Variants in ADD3 observed in about 807,000 individuals in gnomAD.
ADD3 encodes the protein adducin 3, also known as gamma-adducin.
A neutral mutation model predicts 80.2 loss-of-function variants in ADD3; 25 were observed. The observed-to-expected ratio is 0.31, with a 90% CI of 0.23 to 0.44. The LOEUF (loss-of-function observed/expected upper bound fraction) is 0.44, where lower values mean the gene tolerates loss of function less well. ADD3 is among the 20% of genes least tolerant of loss of function. The pLI is 1.00. For synonymous variants in ADD3, 284 were observed against 289.6 expected (o/e 0.98, Z 0.20); for missense variants, 829 against 847.5 (o/e 0.98, Z 0.27).
At chr10:110,059,194 G>A (rs926011821) in intron 1 of ADD3, among the ~76,000 whole-genome samples, 2 of 28,864 alleles carry the variant, frequency 6.9e-5, no homozygotes, top group African/African-American at 8.7e-5. Flanking sequence ...CATACAGGCC[G>A]GGTACAGTGG....
chr10:110,084,054 T>C (rs1392954895), intron 1 of ADD3, among the ~76,000 whole-genome samples: 1 of 152,190 alleles, frequency 6.6e-6, no homozygotes, highest in East Asian at 1.9e-4. Context: ...GCTGTGAGTC[T>C]AGTCTTTGTG....
intron 1 of ADD3, among the ~76,000 whole-genome samples, chr10:110,019,563 C>T (rs1853416505): frequency 6.6e-6 from 1 of 152,162 alleles, no homozygotes; most frequent in African/African-American, 2.4e-5. Flanking sequence ...ACCGTGTTAG[C>T]TAGGATGGTC....
chr10:110,011,742 A>T (rs1336131606), intron 1 of ADD3, among the ~76,000 whole-genome samples: 1 of 152,234 alleles, frequency 6.6e-6, no homozygotes, highest in Non-Finnish European at 1.5e-5. Flanking sequence ...ACAGTCCTAG[A>T]CTGTCATGTC....
chr10:110,083,746 G>A (rs566421410), intron 1 of ADD3, among the ~76,000 whole-genome samples: 11 of 152,280 alleles, frequency 7.2e-5, no homozygotes, highest in Admixed American at 6.5e-4. Context: ...GGCAGGGACT[G>A]AGGAAATGGT....
intron 1 of ADD3, among the ~76,000 whole-genome samples, chr10:110,037,353 C>A (rs1055476921): frequency 6.6e-6 from 1 of 152,142 alleles, no homozygotes; most frequent in African/African-American, 2.4e-5. Flanking sequence ...GCCTATAATC[C>A]CAGCACTTTG....
chr10:110,007,613 G>C (rs1851756439), upstream of ADD3, among the ~76,000 whole-genome samples: 1 of 152,194 alleles, frequency 6.6e-6, no homozygotes. Context: ...TGCACAGTCA[G>C]AAGAGGACGT....
chr10:110,029,062 A>G (rs1854667493), intron 1 of ADD3, among the ~76,000 whole-genome samples: 2 of 152,144 alleles, frequency 1.3e-5, no homozygotes, highest in Admixed American at 1.3e-4. Context: ...TATTTTTAGT[A>G]GAGACAGGGT....
chr10:110,077,318 A>G (rs1348352698), intron 1 of ADD3, among the ~76,000 whole-genome samples: 1 of 150,360 alleles, frequency 6.7e-6, no homozygotes, highest in Admixed American at 6.6e-5. Context: ...TCTCTTTCTT[A>G]AACAGTTTAC....
At chr10:110,085,799 A>G (rs1241773779) in intron 1 of ADD3, among the ~76,000 whole-genome samples, 2 of 152,198 alleles carry the variant, frequency 1.3e-5, no homozygotes, top group African/African-American at 4.8e-5. Context: ...GTGGCTCAGA[A>G]TTTAATGATT....
chr10:110,127,774 T>C (rs984672815), intron 12 of ADD3, among the ~76,000 whole-genome samples: 2 of 152,242 alleles, frequency 1.3e-5, no homozygotes, highest in Non-Finnish European at 2.9e-5. Context: ...ATTCCTGTGC[T>C]GCTGATCTAT....
intron 2 of ADD3, among the ~76,000 whole-genome samples, chr10:110,109,573 G>A (rs1849763233): frequency 6.6e-6 from 1 of 152,140 alleles, no homozygotes; most frequent in African/African-American, 2.4e-5. Context: ...GATACACATA[G>A]TAGGTATCAT....
intron 3 of ADD3, among the ~76,000 whole-genome samples, chr10:110,115,661 C>G (rs1008477754): frequency 2.0e-5 from 3 of 151,950 alleles, no homozygotes; most frequent in Non-Finnish European, 4.4e-5. Flanking sequence ...ACATGGGCCT[C>G]GAGAAGAGTT....
At chr10:110,073,859 G>A (rs899278785) in intron 1 of ADD3, among the ~76,000 whole-genome samples, 31 of 152,088 alleles carry the variant, frequency 2.0e-4, no homozygotes, top group African/African-American at 6.5e-4. Context: ...CATGGAAGCA[G>A]CCACCTTCCC....
chr10:110,040,929 G>GCT (rs35429760), intron 1 of ADD3, among the ~76,000 whole-genome samples: 1,663 of 133,902 alleles, frequency 0.012, 20 homozygotes, highest in Admixed American at 0.048. Context: ...TCTCTCTCTC[G>GCT]CTCTCTCTCT....
rs766948411 is a variant in ADD3 at position 110,085,111 on chromosome 10, A to C, written c.-29-15514A>C. On this transcript the variant is annotated intron_variant, in intron 1 of 14. Coordinates refer to ENST00000356080, the MANE Select transcript of ADD3 (RefSeq NM_016824.5). ...TGATATGAATTAGTTTGGTGTCATA[A>C]AATATCAATGTATACATACATTTTT... Among the ~76,000 whole-genome samples the C allele has an allele frequency of 2.9e-3, 446 of 152,302 alleles. 2 individuals carry two copies. The highest frequency in any genetic ancestry group is 3.0e-3 in the Non-Finnish European group (202 of 68,018).
At position 110,027,908 on chromosome 10, in the gene ADD3, G is replaced by A. The variant is rs151010279; in HGVS notation, c.-30+19609G>A. Among the ~76,000 whole-genome samples, 6 of 152,328 alleles carry A rather than the reference G, an allele frequency of 3.9e-5. No individual in the cohort carries two copies. The East Asian group carries it at 9.6e-4, about 24-fold the overall frequency. The stretch of plus-strand genomic sequence containing the variant: ...ACTGAATGAAAACTTCAGAGGGCAG[G>A]TTCAGTTGGTTATGCTTAAGTGAGA... On this transcript the variant is annotated intron_variant, in intron 1 of 14. Transcript: ENST00000356080.
chr10:110,127,937 G>A (rs1475120160), intron 12 of ADD3, among the ~76,000 whole-genome samples: 1 of 151,944 alleles, frequency 6.6e-6, no homozygotes, highest in Non-Finnish European at 1.5e-5. Flanking sequence ...GCATATAATG[G>A]ATATAGAATA....
intron 1 of ADD3, among the ~76,000 whole-genome samples, chr10:110,049,606 G>T (rs936822832): frequency 1.3e-5 from 2 of 152,140 alleles, no homozygotes; most frequent in African/African-American, 4.8e-5. Context: ...TGACTGCTCT[G>T]GCCAGGCGCG....
chr10:110,037,993 C>T (rs894550001), intron 1 of ADD3, among the ~76,000 whole-genome samples: 9 of 142,000 alleles, frequency 6.3e-5, no homozygotes, highest in East Asian at 4.5e-4. Flanking sequence ...CGCTTGAACC[C>T]GGGAGGTGGA....
Sources: allele counts gnomAD v4.1 joint callset (sites outside exome capture counted in the v4.1 genomes callset), GRCh38; gene constraint gnomAD v4.1.1; transcripts MANE v1.5; gene names NCBI Gene and HGNC (gene_info 2026-07-23, HGNC 2026-07-21).